STK3: variants seen among roughly 807,000 people sequenced by gnomAD.
The protein encoded by STK3 is serine/threonine-protein kinase 3.
In STK3, 41 loss-of-function variants were observed where a neutral mutation model predicts 58.0. The ratio of observed to expected loss-of-function variants is 0.71; its 90% confidence interval spans 0.55 to 0.92. The LOEUF is 0.92. Among genes scored for constraint, STK3 ranks in the 40% least tolerant of loss-of-function variants. The pLI is 0.00. For missense variants in STK3, 479 were observed against 602.7 expected, an observed-to-expected ratio of 0.79 and a Z score of 2.15; for synonymous variants, 170 against 191.0, an observed-to-expected ratio of 0.89 and a Z score of 0.91.
chr8:98,608,795 C>G (rs1816957696), intron 6 of STK3, among the ~76,000 whole-genome samples: 1 of 152,180 alleles, frequency 6.6e-6, no homozygotes, highest in African/African-American at 2.4e-5. Context: ...TCCAACTAAT[C>G]ACCTTATTCT....
chr8:98,584,329 A>T (rs1339732743), intron 7 of STK3, among the ~76,000 whole-genome samples: 1 of 147,992 alleles, frequency 6.8e-6, no homozygotes, highest in South Asian at 2.1e-4. Flanking sequence ...ATTCCCACCT[A>T]TGAGTGAGAA....
intron 6 of STK3, among the ~76,000 whole-genome samples, chr8:98,681,867 A>T (rs578032085): frequency 6.6e-6 from 1 of 152,370 alleles, no homozygotes; most frequent in Non-Finnish European, 1.5e-5. Flanking sequence ...TTGTTTAAAA[A>T]GTCATGTAAT....
chr8:98,887,740 C>T (rs925664549), intron 1 of STK3, among the ~76,000 whole-genome samples: 3 of 152,004 alleles, frequency 2.0e-5, no homozygotes, highest in East Asian at 1.9e-4. Context: ...TCTGTGAAAC[C>T]GTAGTAGTAG....
chr8:98,552,666 C>T (rs1826615822), intron 8 of STK3, among the ~76,000 whole-genome samples: 2 of 152,110 alleles, frequency 1.3e-5, no homozygotes, highest in Non-Finnish European at 2.9e-5. Flanking sequence ...AAACTAAAGC[C>T]TCCATCATTT....
chr8:98,480,837 CA>C, intron 10 of STK3, among the ~76,000 whole-genome samples: 1 of 152,128 alleles, frequency 6.6e-6, no homozygotes, highest in Non-Finnish European at 1.5e-5. Flanking sequence ...GCTCTTGCCT[CA>C]AAATTGGTGG....
intron 3 of STK3, among the ~76,000 whole-genome samples, chr8:98,850,101 A>G (rs1418017859): frequency 6.6e-6 from 1 of 152,216 alleles, no homozygotes; most frequent in African/African-American, 2.4e-5. Flanking sequence ...GGTGAAGTCT[A>G]TAATTCACCT....
At chr8:98,680,662 C>T (rs187076387) in intron 6 of STK3, among the ~76,000 whole-genome samples, 1 of 152,154 alleles carries the variant, frequency 6.6e-6, no homozygotes, top group Admixed American at 6.5e-5. Context: ...AATGTAGCAA[C>T]GATAAAGGCT....
At chr8:98,594,995 A>C (rs1815679609) in intron 7 of STK3, 1 of 152,164 alleles carries the variant, frequency 6.6e-6, no homozygotes, top group Admixed American at 6.5e-5. Context: ...ATTGTTTCCA[A>C]CTTGTTGACA....
intron 3 of STK3, among the ~76,000 whole-genome samples, chr8:98,864,701 T>A (rs903868149): frequency 1.3e-5 from 2 of 152,206 alleles, no homozygotes; most frequent in Non-Finnish European, 2.9e-5. Flanking sequence ...GTAAAATACT[T>A]GTTTATCTGC....
chr8:98,414,242 C>A (rs937084418), intron 3 of STK3, among the ~76,000 whole-genome samples: 1 of 151,760 alleles, frequency 6.6e-6, no homozygotes, highest in Non-Finnish European at 1.5e-5. Flanking sequence ...CCAGCCTGGG[C>A]GACAGAGCAA....
chr8:98,695,435 G>C (rs1447767194), intron 6 of STK3, among the ~76,000 whole-genome samples: 1 of 152,130 alleles, frequency 6.6e-6, no homozygotes, highest in Non-Finnish European at 1.5e-5. Context: ...CCTATGTCCT[G>C]AATGGTAATG....
At chr8:98,686,462 T>C (rs1216297795) in intron 6 of STK3, among the ~76,000 whole-genome samples, 1 of 152,232 alleles carries the variant, frequency 6.6e-6, no homozygotes, top group East Asian at 1.9e-4. Context: ...TGTCCCATCA[T>C]GAGAAGATAC....
At chr8:98,496,092 T>G (rs963657219) in intron 10 of STK3, among the ~76,000 whole-genome samples, 15 of 152,194 alleles carry the variant, frequency 9.9e-5, no homozygotes, top group Admixed American at 3.3e-4. Flanking sequence ...CCAACTAGAT[T>G]GCAAACTTCA....
downstream of STK3, among the ~76,000 whole-genome samples, chr8:98,397,279 A>T (rs1817905013): frequency 6.6e-6 from 1 of 152,222 alleles, no homozygotes; most frequent in African/African-American, 2.4e-5. Context: ...GTGTAATCCC[A>T]GCACTTTGGG....
intron 6 of STK3, among the ~76,000 whole-genome samples, chr8:98,614,066 G>A (rs1008138316): frequency 3.9e-5 from 6 of 151,930 alleles, no homozygotes; most frequent in African/African-American, 1.2e-4. Context: ...AACTTGAAAG[G>A]AGAAATAGAT....
the STK3 span, among the ~76,000 whole-genome samples, chr8:98,361,662 C>G: frequency 3.3e-5 from 5 of 152,264 alleles, no homozygotes; most frequent in Admixed American, 2.6e-4. Context: ...TGCCTCCAGT[C>G]CCCTCTCTGT....
intron 10 of STK3, among the ~76,000 whole-genome samples, chr8:98,502,369 C>T (rs1277812475): frequency 1.3e-5 from 2 of 152,138 alleles, no homozygotes; most frequent in African/African-American, 4.8e-5. Context: ...AATTTGACTT[C>T]CTCTTTTCCT....
At chr8:98,458,964 A>G (rs1437469279) in intron 10 of STK3, among the ~76,000 whole-genome samples, 1 of 144,194 alleles carries the variant, frequency 6.9e-6, no homozygotes, top group Non-Finnish European at 1.5e-5. Flanking sequence ...GCACTGAGGT[A>G]GTGGGGCGCT....
At chr8:98,753,214 A>C (rs935708956) in intron 3 of STK3, among the ~76,000 whole-genome samples, 24 of 152,258 alleles carry the variant, frequency 1.6e-4, no homozygotes, top group African/African-American at 5.3e-4. Flanking sequence ...AAGACATGGC[A>C]TCAACCTAAA....
Sources: gnomAD v4.1 joint callset for allele counts (sites outside exome capture counted in the v4.1 genomes callset) on GRCh38, gnomAD v4.1.1 for gene constraint, MANE v1.5 for transcripts, NCBI Gene and HGNC (gene_info 2026-07-23, HGNC 2026-07-21) for gene names.